Variants in SRRM2 observed in about 807,000 individuals in gnomAD.
The protein encoded by SRRM2 is serine/arginine repetitive matrix 2, also known as serine/arginine repetitive matrix protein 2.
In SRRM2, 30 loss-of-function variants were observed where a neutral mutation model predicts 213.8. The ratio of observed to expected loss-of-function variants is 0.14; its 90% CI spans 0.10 to 0.19. SRRM2 has a LOEUF of 0.19. SRRM2 is among the 10% of genes least tolerant of loss of function. The probability of loss-of-function intolerance (pLI) is 1.00; values close to 1 mark genes in which losing one functional copy is unlikely to be tolerated. For missense variants in SRRM2, 4,904 were observed against 3,647.0 expected, an observed-to-expected ratio of 1.34 and a Z score of -8.88; for synonymous variants, 2,025 against 1,377.7, an observed-to-expected ratio of 1.47 and a Z score of -10.40.
chr16:2,769,909 T>A, intron 12 of SRRM2: 3 of 447,030 alleles, frequency 6.7e-6, no homozygotes, highest in South Asian at 4.8e-5. Flanking sequence ...CCTTTGGACA[T>A]GCTGTTCCTT....
chr16:2,762,783 C>G lies in SRRM2; in HGVS notation c.2255C>G (p.Ser752Cys). The G allele has an allele frequency of 6.2e-7, 1 of 1,614,140 alleles. No individual in the cohort carries two copies. The highest frequency in any genetic ancestry group is 8.5e-7 in the Non-Finnish European group (1 of 1,180,018). The change falls in exon 11 of 15, where the codon TCT (serine) becomes TGT (cysteine). Residue 752 changes from serine (S) to cysteine (C), a missense_variant. Coordinates refer to ENST00000301740, the MANE Select transcript of SRRM2 (RefSeq NM_016333.4). The part of the protein sequence containing the change: ...RSNSSPEMKK[S>C]RISSRRSRSL... The stretch of plus-strand genomic sequence containing the variant: ...AATTCAAGCCCAGAAATGAAGAAAT[C>G]TCGCATTTCTTCAAGGCGGAGCAGG...
chr16:2,757,384 G>C, intron 2 of SRRM2, 88 bp from the exon 3 acceptor site: 1 of 1,193,738 alleles, frequency 8.4e-7, no homozygotes, highest in Non-Finnish European at 1.2e-6. Flanking sequence ...GGAGAGGGAG[G>C]GGCCCCTTTT....
Position 2,767,869 on chromosome 16 carries a change from G to C in SRRM2, c.7341G>C (p.Pro2447=). The change falls in exon 11 of 15, where the codon CCG becomes CCC. Residue 2447 remains proline, a synonymous_variant. Transcript: ENST00000301740. Reference sequence around the variant, plus strand: ...TTCTCCCTCCAGCACAGGATCAGCCGAGGTCTCCTGTGCCTTCTGCTTTTT... The same window carrying C: ...TTCTCCCTCCAGCACAGGATCAGCCCAGGTCTCCTGTGCCTTCTGCTTTTT... The part of the protein sequence containing the change: ...QSLLPPAQDQ[P]RSPVPSAFSD... 1 of 1,614,100 alleles carries C rather than the reference G, an allele frequency of 6.2e-7. No homozygotes were observed. Among genetic ancestry groups the C allele is most frequent in the South Asian group, 1.1e-5 (1 of 91,080 alleles).
chr16:2,754,356 G>A (rs1436875278), intron 1 of SRRM2, among the ~76,000 whole-genome samples: 1 of 151,544 alleles, frequency 6.6e-6, no homozygotes, highest in Non-Finnish European at 1.5e-5. Flanking sequence ...GCAGTGGCGC[G>A]ATCTCGGCTC....
chr16:2,757,860 T>G lies in SRRM2; in HGVS notation c.430T>G (p.Ser144Ala). Reference protein sequence around the residue: ...RLRAAFGISDSYVDGSSFDPQ... With the variant: ...RLRAAFGISDAYVDGSSFDPQ... The stretch of plus-strand genomic sequence containing the variant: ...CCGTGCTGCCTTTGGCATCAGTGAT[T>G]CTTACGTAGATGGCAGCTCTTTTGA... The change falls in exon 4 of 15, where the codon TCT (serine) becomes GCT (alanine). Residue 144 changes from serine to alanine, a missense_variant. Coordinates refer to ENST00000301740, the MANE Select transcript of SRRM2 (RefSeq NM_016333.4). 1 of 1,614,202 alleles carries G rather than the reference T, an allele frequency of 6.2e-7. No individual in the cohort carries two copies. Among genetic ancestry groups the G allele is most frequent in the Non-Finnish European group, 8.5e-7 (1 of 1,180,032 alleles).
Position 2,765,410 on chromosome 16 carries a change from G to T in SRRM2, c.4882G>T (p.Ala1628Ser), listed in dbSNP as rs1472426708. 1.2e-6 allele frequency: 2 copies of T among 1,613,998 alleles called. No individual in the cohort carries two copies. Among genetic ancestry groups the T allele is most frequent in the African/African-American group, 2.7e-5 (2 of 74,888 alleles). Residue 1628 changes from alanine (A) to serine (S), a missense_variant, in exon 11 of 15, where the codon GCC (alanine) becomes TCC (serine). By Grantham distance (99) the Ala-to-Ser change is moderately conservative. Transcript: ENST00000301740. ...TTCCTCTCCTGAACCTAAAGCTCCA[G>T]CCCCTCGGGCCCTTCCCAGACGAAG... is the stretch of plus-strand genomic sequence containing the variant. ...SDSSPEPKAPAPRALPRRSRS... is the reference protein window; with the variant it reads ...SDSSPEPKAPSPRALPRRSRS...
chr16:2,769,537 G>C, intron 12 of SRRM2: 1 of 645,410 alleles, frequency 1.5e-6, no homozygotes. Context: ...TCAACACATA[G>C]CCTGTTCCCA....
intron 2 of SRRM2, 68 bp from the exon 3 acceptor site, chr16:2,757,404 G>A (rs2068182961): frequency 6.8e-7 from 1 of 1,477,922 alleles, no homozygotes; most frequent in African/African-American, 1.4e-5. Flanking sequence ...TGGGAATGAG[G>A]GAAATGGAAA....
At position 2,769,030 on chromosome 16, in the gene SRRM2, T is replaced by C. The variant is rs1221630556; in HGVS notation, c.7767T>C (p.Ala2589=). The change falls in exon 12 of 15, where the codon GCT becomes GCC. Residue 2589 remains alanine, a synonymous_variant. Coordinates refer to ENST00000301740, the MANE Select transcript of SRRM2 (RefSeq NM_016333.4). The part of the protein sequence containing the change: ...VPSPTPAPKE[A]VREGRPPEPT... ...GCCCCACCCCAGCCCCAAAGGAGGC[T>C]GTTCGAGAGGGACGTCCTCCGGAGC... The C allele has an allele frequency of 6.2e-7, 1 of 1,613,960 alleles. No homozygotes were observed. Among genetic ancestry groups the C allele is most frequent in the Non-Finnish European group, 8.5e-7 (1 of 1,180,012 alleles).
chr16:2,756,430 C>T lies in SRRM2; in HGVS notation c.66C>T (p.Asn22=), dbSNP rs762577418. ...GCACCAACGGCTACGTCCAGCGCAA[C>T]CTGTCCCTGGTGCGGGGCCGCCGGG... ...GSGTNGYVQR[N]LSLVRGRRGE... Residue 22 remains asparagine, a synonymous_variant, in exon 2 of 15, where the codon AAC becomes AAT. Transcript: ENST00000301740. 2 of 1,612,262 alleles carry T rather than the reference C, an allele frequency of 1.2e-6. No individual in the cohort carries two copies. Among genetic ancestry groups the T allele is most frequent in the Non-Finnish European group, 1.7e-6 (2 of 1,179,370 alleles).
In SRRM2 at chr16:2,757,459, A is replaced by G. The variant is rs567457411; in HGVS notation, c.243-13A>G. On this transcript the variant is annotated splice_polypyrimidine_tract_variant and intron_variant, in intron 2 of 14. Transcript: ENST00000301740. ...TCCTGTCGAGCTTAACCCTGAAGGG[A>G]TTTGTTCTTCAGGTACGAGGAACAG... 4 of 1,610,808 alleles carry G rather than the reference A, an allele frequency of 2.5e-6. No homozygotes were observed. The highest frequency in any genetic ancestry group is 1.7e-5 in the Admixed American group (1 of 59,946).
rs780088557 is a variant in SRRM2 at position 2,767,901 on chromosome 16, A to C, written c.7373A>C (p.Gln2458Pro). 1 of 1,614,042 alleles carries C rather than the reference A, an allele frequency of 6.2e-7. No homozygotes were observed. Among genetic ancestry groups the C allele is most frequent in the South Asian group, 1.1e-5 (1 of 91,070 alleles). Residue 2458 changes from glutamine to proline, a missense_variant, in exon 11 of 15, where the codon CAA (glutamine) becomes CCA (proline). Transcript: ENST00000301740. ...RSPVPSAFSD[Q>P]SRCLIAQTTP... ...CCTGTGCCTTCTGCTTTTTCAGACC[A>C]ATCCCGTTGTTTGATTGCCCAGACC...
At chr16:2,760,702 A>G (rs2068313030) in intron 10 of SRRM2, 1 of 584,054 alleles carries the variant, frequency 1.7e-6, no homozygotes, top group Admixed American at 3.0e-5. Context: ...TTAGAATCAA[A>G]TCTCACTGGA....
At chr16:2,769,607 T>G in intron 12 of SRRM2, 1 of 610,164 alleles carries the variant, frequency 1.6e-6, no homozygotes, top group Non-Finnish European at 3.1e-6. Context: ...CACCATCATC[T>G]TCTCCCGACT....
At position 2,766,322 on chromosome 16, in the gene SRRM2, C is replaced by T. The variant is rs911586981; in HGVS notation, c.5794C>T (p.Arg1932Cys). 2.1e-5 allele frequency: 34 copies of T among 1,614,022 alleles called. No homozygotes were observed. Among genetic ancestry groups the T allele is most frequent in the East Asian group, 1.3e-4 (6 of 44,896 alleles). The change falls in exon 11 of 15, where the codon CGC becomes TGC. Residue 1932 changes from arginine (R) to cysteine (C), a missense_variant. By Grantham distance (180) the Arg-to-Cys change is radical (BLOSUM62 -3). Coordinates refer to ENST00000301740, the MANE Select transcript of SRRM2 (RefSeq NM_016333.4). This position sits in a 1 kb window ranked among gnomAD's most constrained non-coding sequence, Gnocchi z 7.0. ...RSRSRTPPVT[R>C]RRSRSRTPTT... ...CAGATCCAGAACGCCACCAGTAACC[C>T]GCCGTCGTTCAAGGTCTAGAACGCC...
chr16:2,766,577 C>T lies in SRRM2; in HGVS notation c.6049C>T (p.Arg2017Cys), dbSNP rs201534904. 7.1e-5 allele frequency: 114 copies of T among 1,614,156 alleles called. 1 individual carries two copies. The East Asian group carries it at 1.7e-3, about 24-fold the overall frequency. The stretch of plus-strand genomic sequence containing the variant: ...TCGAACCTCACCAGTGACACGCCGC[C>T]GCTCTAGGTCCCGGACACCTCCAGC... ...RSRTSPVTRR[R>C]SRSRTPPAIR... is the part of the protein sequence containing the mutation. The change falls in exon 11 of 15, where the codon CGC (arginine) becomes TGC (cysteine). Residue 2017 changes from arginine to cysteine, a missense_variant. Transcript: ENST00000301740. This position sits in a 1 kb window ranked among gnomAD's most constrained non-coding sequence, Gnocchi z 7.0.
At position 2,762,746 on chromosome 16, in the gene SRRM2, A is replaced by G; in HGVS notation, c.2218A>G (p.Arg740Gly). The G allele has an allele frequency of 6.2e-7, 1 of 1,614,214 alleles. No individual in the cohort carries two copies. Among genetic ancestry groups the G allele is most frequent in the Non-Finnish European group, 8.5e-7 (1 of 1,180,022 alleles). ...AAACAAATCCAGAACATCTCAAAGA[A>G]GAAGCAGGTCCAATTCAAGCCCAGA... is the stretch of plus-strand genomic sequence containing the variant. ...RKNKSRTSQRRSRSNSSPEMK... is the reference protein window; with the variant it reads ...RKNKSRTSQRGSRSNSSPEMK... The change falls in exon 11 of 15, where the codon AGA becomes GGA. Residue 740 changes from arginine (R) to glycine (G), a missense_variant. Physicochemically the swap from Arg to Gly is moderately radical, Grantham distance 125. Transcript: ENST00000301740.
chr16:2,762,290 A>T lies in SRRM2; in HGVS notation c.1762A>T (p.Thr588Ser). ...CCGCCGGGGCAGGTCCCGCTCTAGAACACCTGCCAGGCGGAGATCACGATC... is the reference window on the plus strand; with the variant it reads ...CCGCCGGGGCAGGTCCCGCTCTAGATCACCTGCCAGGCGGAGATCACGATC... ...PARRGRSRSR[T>S]PARRRSRSRT... The change falls in exon 11 of 15, where the codon ACA (threonine) becomes TCA (serine). Residue 588 changes from threonine (T) to serine (S), a missense_variant. Thr to Ser is a moderately conservative substitution (Grantham distance 58). Transcript: ENST00000301740. 1 of 1,613,998 alleles carries T rather than the reference A, an allele frequency of 6.2e-7. No homozygotes were observed. Among genetic ancestry groups the T allele is most frequent in the Non-Finnish European group, 8.5e-7 (1 of 1,179,982 alleles).
In SRRM2 at chr16:2,762,271, G is replaced by T; in HGVS notation, c.1743G>T (p.Arg581=). The T allele has an allele frequency of 6.2e-7, 1 of 1,600,104 alleles. No individual in the cohort carries two copies. Among genetic ancestry groups the T allele is most frequent in the Non-Finnish European group, 8.5e-7 (1 of 1,174,948 alleles). ...CTCGTTCTAGAACACCAGCCCGCCG[G>T]GGCAGGTCCCGCTCTAGAACACCTG... The part of the protein sequence containing the change: ...GRSRSRTPAR[R]GRSRSRTPAR... Residue 581 remains arginine, a synonymous_variant, in exon 11 of 15, where the codon CGG becomes CGT. Coordinates refer to ENST00000301740, the MANE Select transcript of SRRM2 (RefSeq NM_016333.4).
Sources: gnomAD v4.1 joint callset for allele counts (sites outside exome capture counted in the v4.1 genomes callset) on GRCh38, gnomAD v4.1.1 for gene constraint, Gnocchi (gnomAD v3.1) non-coding constraint, MANE v1.5 for transcripts, NCBI Gene and HGNC (gene_info 2026-07-23, HGNC 2026-07-21) for gene names.